TNNI3K: variants seen among roughly 807,000 people sequenced by gnomAD.
The protein encoded by TNNI3K is TNNI3 interacting kinase, also known as serine/threonine-protein kinase TNNI3K.
Under a neutral mutation model 114.5 loss-of-function variants are expected in TNNI3K, and 140 were observed. The ratio of observed to expected loss-of-function variants is 1.22; its 90% CI spans 1.07 to 1.41. TNNI3K has a LOEUF of 1.41. TNNI3K is among the 40% of genes most tolerant of loss of function. TNNI3K has a pLI of 0.00. For synonymous variants in TNNI3K, 347 were observed against 347.5 expected (o/e 1.00, Z 0.02); for missense variants, 1,125 against 1,007.6 (o/e 1.12, Z -1.58).
At chr1:74,356,407 T>C (rs1661658838) in intron 11 of TNNI3K, among the ~76,000 whole-genome samples, 1 of 152,218 alleles carries the variant, frequency 6.6e-6, no homozygotes, top group African/African-American at 2.4e-5. Flanking sequence ...GGTGTTCTAC[T>C]TTGTATTAAA....
chr1:74,525,787 G>A (rs1002415255), intron 23 of TNNI3K, among the ~76,000 whole-genome samples: 1 of 152,176 alleles, frequency 6.6e-6, no homozygotes, highest in African/African-American at 2.4e-5. Context: ...GGGAGCAGCA[G>A]TTGGCCCAGC....
rs570930510 is a variant in TNNI3K, at chr1:74,329,503, A to G, written c.445-1947A>G. Among the ~76,000 whole-genome samples the G allele has an allele frequency of 7.2e-5, 11 of 152,204 alleles. No homozygotes were observed. The South Asian group carries it at 1.2e-3, about 17-fold the overall frequency. ...CCCATCAGAAATTTCGGATTTTTCAATAAAAATTCGTGATTTTATATGACA... is the reference window on the plus strand; with the variant it reads ...CCCATCAGAAATTTCGGATTTTTCAGTAAAAATTCGTGATTTTATATGACA... On this transcript the variant is annotated intron_variant, in intron 5 of 24. Transcript: ENST00000326637.
chr1:74,438,631 T>A (rs568560949), intron 19 of TNNI3K, among the ~76,000 whole-genome samples: 1 of 152,186 alleles, frequency 6.6e-6, no homozygotes, highest in East Asian at 1.9e-4. Flanking sequence ...GAGCCAGAAC[T>A]AGAATTTTCA....
chr1:74,424,995 T>C (rs1026307179), intron 17 of TNNI3K, among the ~76,000 whole-genome samples: 3 of 152,122 alleles, frequency 2.0e-5, no homozygotes, highest in Non-Finnish European at 1.5e-5. Flanking sequence ...AAAATAGTTA[T>C]AACCATTTAG....
In TNNI3K at chr1:74,364,452, T is replaced by A. The variant is rs1662156178; in HGVS notation, c.1178-2804T>A. 2.0e-5 allele frequency among the ~76,000 whole-genome samples: 3 copies of A among 151,686 alleles called. No homozygotes were observed. The South Asian group carries it at 6.2e-4, about 31-fold the overall frequency. ...ACTGAAATATTCATGAAACTGGATGTGGTAGGTAGAGTAATGCCCCCTCAA... is the reference window on the plus strand; with the variant it reads ...ACTGAAATATTCATGAAACTGGATGAGGTAGGTAGAGTAATGCCCCCTCAA... On this transcript the variant is annotated intron_variant, in intron 11 of 24. Transcript: ENST00000326637.
At chr1:74,280,537 T>A (rs1281031874) in intron 5 of TNNI3K, among the ~76,000 whole-genome samples, 2 of 151,936 alleles carry the variant, frequency 1.3e-5, no homozygotes, top group South Asian at 4.2e-4. Context: ...GAGAGCAAAG[T>A]GATTGTCAGA....
At position 74,543,797 on chromosome 1, in the gene TNNI3K, T is replaced by A. The variant is rs761164090; in HGVS notation, c.2432-109T>A. On this transcript the variant is annotated intron_variant, in intron 24 of 24. Coordinates refer to ENST00000326637, the MANE Select transcript of TNNI3K (RefSeq NM_015978.3). ...ACTCACCAGCAACCGTTGTCCAGAT[T>A]GTCTGTTCACATGATCTGGAAGACC... 13 of 1,210,598 alleles carry A rather than the reference T, an allele frequency of 1.1e-5. No individual in the cohort carries two copies. In the Admixed American group the frequency reaches 2.2e-4, roughly 21 times the overall value. The allele number at this position is 1,210,598 out of a possible 1,614,324, so 75.0% of individuals were successfully genotyped here.
intron 19 of TNNI3K, among the ~76,000 whole-genome samples, chr1:74,437,088 T>C (rs1570618331): frequency 1.3e-5 from 2 of 152,190 alleles, no homozygotes; most frequent in Non-Finnish European, 2.9e-5. Flanking sequence ...TAGACTTCTC[T>C]TTCTGGACTA....
intron 21 of TNNI3K, chr1:74,471,059 A>T (rs1406023962): frequency 5.0e-6 from 2 of 400,520 alleles, no homozygotes; most frequent in Middle Eastern, 3.1e-4. Flanking sequence ...GAGAATTGAG[A>T]ATGTGAGTGC....
chr1:74,516,148 T>C (rs1009785620), intron 23 of TNNI3K, among the ~76,000 whole-genome samples: 2 of 152,174 alleles, frequency 1.3e-5, no homozygotes, highest in Non-Finnish European at 2.9e-5. Flanking sequence ...TGATAATAAC[T>C]CTGGTATTTC....
At chr1:74,494,975 A>G (rs1483309531) in intron 23 of TNNI3K, among the ~76,000 whole-genome samples, 2 of 152,224 alleles carry the variant, frequency 1.3e-5, no homozygotes, top group East Asian at 1.9e-4. Context: ...TGAAGGGTGG[A>G]GGGGACAGAG....
chr1:74,263,566 A>C (rs924189821), intron 4 of TNNI3K, among the ~76,000 whole-genome samples: 8 of 152,038 alleles, frequency 5.3e-5, no homozygotes, highest in African/African-American at 1.9e-4. Flanking sequence ...CCATTAGAAT[A>C]GGAAATTAGG....
At chr1:74,241,230 C>T (rs1654183355) in intron 2 of TNNI3K, among the ~76,000 whole-genome samples, 1 of 152,170 alleles carries the variant, frequency 6.6e-6, no homozygotes, top group Admixed American at 6.5e-5. Context: ...AATAGTGCTG[C>T]AATAAACATA....
chr1:74,318,615 A>G (rs1323219495), intron 5 of TNNI3K, among the ~76,000 whole-genome samples: 1 of 152,148 alleles, frequency 6.6e-6, no homozygotes, highest in Non-Finnish European at 1.5e-5. Context: ...TTAGGTTTAT[A>G]CCTCTCTATA....
chr1:74,353,574 G>A (rs1228242663), intron 10 of TNNI3K, among the ~76,000 whole-genome samples: 1 of 151,150 alleles, frequency 6.6e-6, no homozygotes, highest in Non-Finnish European at 1.5e-5. Flanking sequence ...ATTATTTGCA[G>A]TCAGTGCATC....
intron 23 of TNNI3K, among the ~76,000 whole-genome samples, chr1:74,500,062 ATAAC>A (rs1394745547): frequency 6.6e-6 from 1 of 151,752 alleles, no homozygotes; most frequent in Non-Finnish European, 1.5e-5. Context: ...ATTATTTAAA[ATAAC>A]TAATTATATT....
intron 20 of TNNI3K, among the ~76,000 whole-genome samples, chr1:74,443,859 GCAAATCAATAAACGTAATTCATCA>G (rs1291460246): frequency 3.3e-5 from 5 of 152,154 alleles, no homozygotes; most frequent in Non-Finnish European, 7.3e-5. Context: ...TTCAGCATAT[GCAAATCAATAAACGTAATTCATCA>G]CATAAACAGA....
chr1:74,475,103 T>A (rs1282169129), intron 21 of TNNI3K, among the ~76,000 whole-genome samples: 1 of 139,928 alleles, frequency 7.1e-6, no homozygotes, highest in Non-Finnish European at 1.5e-5. Context: ...GAACACTTCA[T>A]CTCCACCTCA....
rs1435996272 is a variant in TNNI3K, at chr1:74,409,556, C to A, written c.1773-26524C>A. On this transcript the variant is annotated intron_variant, in intron 17 of 24. Transcript: ENST00000326637. ...TCACCCAGGCTGGAGTGCAGTGGCA[C>A]CATCTCGGCTCACTGCAACCTCTGC... Among the ~76,000 whole-genome samples the A allele has an allele frequency of 2.0e-5, 3 of 146,674 alleles. No individual in the cohort carries two copies. In the East Asian group the frequency reaches 6.0e-4, roughly 29 times the overall value.
Sources: gnomAD v4.1 joint callset for allele counts (sites outside exome capture counted in the v4.1 genomes callset) on GRCh38, gnomAD v4.1.1 for gene constraint, MANE v1.5 for transcripts, NCBI Gene and HGNC (gene_info 2026-07-23, HGNC 2026-07-21) for gene names.